ESYT2: variants seen among roughly 807,000 people sequenced by gnomAD.
ESYT2 encodes the protein extended synaptotagmin-2.
In ESYT2, 54 loss-of-function variants were observed where a neutral mutation model predicts 107.2. The observed-to-expected ratio is 0.50, with a 90% confidence interval of 0.40 to 0.63. The LOEUF is 0.63. Ranked by LOEUF, ESYT2 falls within the 30% of genes least tolerant of loss-of-function variation. The probability of loss-of-function intolerance (pLI) is 0.00; values close to 1 mark genes in which losing one functional copy is unlikely to be tolerated. For synonymous variants in ESYT2, 491 were observed against 434.1 expected (o/e 1.13, Z -1.63); for missense variants, 1,020 against 1,094.5 (o/e 0.93, Z 0.96).
intron 1 of ESYT2, among the ~76,000 whole-genome samples, chr7:158,814,527 C>G (rs921965031): frequency 1.3e-5 from 2 of 152,268 alleles, no homozygotes; most frequent in African/African-American, 4.8e-5. Context: ...CCCGATTACT[C>G]TCACAGATGT....
chr7:158,763,524 A>G (rs1472218385), intron 9 of ESYT2, among the ~76,000 whole-genome samples: 1 of 152,072 alleles, frequency 6.6e-6, no homozygotes, highest in East Asian at 1.9e-4. Context: ...CAAACTCCTG[A>G]CCTTAAATGA....
chr7:158,802,629 G>A (rs1270522004), intron 1 of ESYT2, among the ~76,000 whole-genome samples: 1 of 152,200 alleles, frequency 6.6e-6, no homozygotes, highest in Non-Finnish European at 1.5e-5. Flanking sequence ...GCACTTGACA[G>A]GGAATGTAGA....
intron 1 of ESYT2, among the ~76,000 whole-genome samples, chr7:158,806,145 C>A (rs1447423402): frequency 2.9e-3 from 73 of 25,436 alleles, no homozygotes; most frequent in South Asian, 4.2e-3. Flanking sequence ...CCGGGGCACA[C>A]CGCGTAGGAG....
At chr7:158,766,406 G>C (rs746163482) in intron 8 of ESYT2, among the ~76,000 whole-genome samples, 5 of 152,308 alleles carry the variant, frequency 3.3e-5, no homozygotes, top group Admixed American at 6.5e-5. Context: ...AAGAGGCTTA[G>C]GTGCAGAGGA....
intron 1 of ESYT2, among the ~76,000 whole-genome samples, chr7:158,814,316 T>A (rs1231210715): frequency 0.05 from 392 of 7,772 alleles, 42 homozygotes; most frequent in African/African-American, 0.089. Context: ...TATATATATA[T>A]ATATATATAT....
chr7:158,802,674 A>C (rs906858386), intron 1 of ESYT2, among the ~76,000 whole-genome samples: 4 of 152,230 alleles, frequency 2.6e-5, no homozygotes, highest in Non-Finnish European at 5.9e-5. Flanking sequence ...CATTAGTAAC[A>C]CTGAAACATG....
intron 8 of ESYT2, among the ~76,000 whole-genome samples, chr7:158,765,923 G>A (rs1290728881): frequency 1.3e-5 from 2 of 152,094 alleles, no homozygotes; most frequent in Non-Finnish European, 2.9e-5. Flanking sequence ...GTGATGGCCA[G>A]GTGCGGTGAC....
intron 20 of ESYT2, among the ~76,000 whole-genome samples, chr7:158,735,851 C>T (rs1477784860): frequency 6.6e-6 from 1 of 152,146 alleles, no homozygotes; most frequent in Non-Finnish European, 1.5e-5. Flanking sequence ...GTCCCAAGGT[C>T]CCTGGCTCAC....
At chr7:158,827,327 C>T (rs1189112462) in intron 1 of ESYT2, among the ~76,000 whole-genome samples, 1 of 152,048 alleles carries the variant, frequency 6.6e-6, no homozygotes, top group Non-Finnish European at 1.5e-5. Flanking sequence ...TATAACATAG[C>T]AATGGATGCT....
At chr7:158,783,681 G>A (rs945979011) in intron 6 of ESYT2, among the ~76,000 whole-genome samples, 3 of 152,192 alleles carry the variant, frequency 2.0e-5, no homozygotes, top group Admixed American at 6.5e-5. Context: ...AAACAAGTGA[G>A]ACGACTCCAG....
At chr7:158,743,459 G>A (rs2129471436) in intron 17 of ESYT2, 70 bp downstream of exon 17, 1 of 1,553,174 alleles carries the variant, frequency 6.4e-7, no homozygotes, top group Non-Finnish European at 8.6e-7. Flanking sequence ...CATGCCCGGG[G>A]CCCATGAGTA....
At position 158,767,716 on chromosome 7, in the gene ESYT2, G is replaced by A. The variant is rs780016240; in HGVS notation, c.862C>T (p.Arg288Ter). 1.9e-6 allele frequency: 3 copies of A among 1,612,994 alleles called. No homozygotes were observed. Among genetic ancestry groups the A allele is most frequent in the East Asian group, 2.2e-5 (1 of 44,840 alleles). ...IISNYLVLPN[R>*]ITVPLVSEVQ... ...TCACTGACAAGTGGAACGGTGATTC[G>A]ATTGGGAAGCACCAGATAGTTTGAT... The change falls in exon 8 of 23, where the codon CGA becomes TGA. Residue 288 changes from arginine (R) to a stop codon, truncating the protein, a stop_gained. Coordinates refer to ENST00000275418, the MANE Select transcript of ESYT2 (RefSeq NM_001367773.1). LOFTEE classifies it high-confidence loss of function.
At chr7:158,752,653 C>A in intron 14 of ESYT2, 128 bp downstream of exon 14, 1 of 475,412 alleles carries the variant, frequency 2.1e-6, no homozygotes. Flanking sequence ...AAAGTAGGGT[C>A]TCTTCCACTA....
chr7:158,747,531 G>A (rs1031503634), intron 16 of ESYT2, among the ~76,000 whole-genome samples: 6 of 152,090 alleles, frequency 3.9e-5, no homozygotes, highest in African/African-American at 1.2e-4. Context: ...GAAACCACCC[G>A]GTAATACTCC....
At chr7:158,803,311 A>G (rs1387312164) in intron 1 of ESYT2, among the ~76,000 whole-genome samples, 1 of 152,244 alleles carries the variant, frequency 6.6e-6, no homozygotes, top group Admixed American at 6.5e-5. Flanking sequence ...GTGTAAAATC[A>G]ACACAGTCTC....
intron 3 of ESYT2, among the ~76,000 whole-genome samples, chr7:158,795,812 C>T (rs149905402): frequency 1.4e-4 from 21 of 152,316 alleles, no homozygotes; most frequent in Non-Finnish European, 2.1e-4. Context: ...GCTCGTCCTA[C>T]GGGCGTCCTG....
chr7:158,801,762 T>C (rs1839654636), intron 1 of ESYT2, among the ~76,000 whole-genome samples: 1 of 152,240 alleles, frequency 6.6e-6, no homozygotes, highest in Non-Finnish European at 1.5e-5. Flanking sequence ...ATATTTGAGT[T>C]GACACCACCC....
chr7:158,791,673 G>C (rs1839297578), intron 4 of ESYT2, among the ~76,000 whole-genome samples: 1 of 152,212 alleles, frequency 6.6e-6, no homozygotes, highest in Admixed American at 6.5e-5. Context: ...AATGGTTAGT[G>C]ATGGTCAGTA....
chr7:158,736,921 T>C (rs1836975793), intron 20 of ESYT2, 127 bp downstream of exon 20: 4 of 1,194,992 alleles, frequency 3.3e-6, no homozygotes, highest in South Asian at 2.9e-5. Flanking sequence ...TTGCTAAAAG[T>C]TGGTTTCTGA....
Sources: allele counts gnomAD v4.1 joint callset (sites outside exome capture counted in the v4.1 genomes callset), GRCh38; gene constraint gnomAD v4.1.1; transcripts MANE v1.5; gene names NCBI Gene and HGNC (gene_info 2026-07-23, HGNC 2026-07-21).